The following TRPM3 variants were observed in gnomAD, a reference collection of about 807,000 sequenced individuals.
The protein encoded by TRPM3 is long transient receptor potential channel 3.
In TRPM3, 77 loss-of-function variants were observed where a neutral mutation model predicts 181.2. The ratio of observed to expected loss-of-function variants is 0.42; its 90% CI spans 0.35 to 0.51. The LOEUF (loss-of-function observed/expected upper bound fraction) is 0.51. TRPM3 is among the 20% of genes least tolerant of loss of function. The pLI, the probability that TRPM3 is intolerant of heterozygous loss-of-function variation, is 0.01. For missense variants in TRPM3, 1,759 were observed against 2,196.7 expected (o/e 0.80, Z 3.98); for synonymous variants, 745 against 796.4 (o/e 0.94, Z 1.09).
intron 1 of TRPM3, among the ~76,000 whole-genome samples, chr9:71,169,634 G>A (rs1297971100): frequency 6.6e-6 from 1 of 151,748 alleles, no homozygotes; most frequent in Non-Finnish European, 1.5e-5. Flanking sequence ...AGAGAGGCAC[G>A]GAGGAAAAAT....
At chr9:70,646,937 C>T (rs890630501) in intron 9 of TRPM3, among the ~76,000 whole-genome samples, 3 of 147,600 alleles carry the variant, frequency 2.0e-5, no homozygotes, top group African/African-American at 7.4e-5. Context: ...GAACTAGAAA[C>T]CTAGAAGAAA....
At chr9:71,443,909 G>A (rs1424293352) in intron 1 of TRPM3, among the ~76,000 whole-genome samples, 3 of 152,052 alleles carry the variant, frequency 2.0e-5, no homozygotes, top group African/African-American at 4.8e-5. Flanking sequence ...GGTCAGGCAC[G>A]GTGGCTCATA....
intron 1 of TRPM3, among the ~76,000 whole-genome samples, chr9:71,191,388 C>G (rs2078010305): frequency 6.6e-6 from 1 of 151,754 alleles, no homozygotes; most frequent in Non-Finnish European, 1.5e-5. Flanking sequence ...CACTTTCTTC[C>G]ACAATGCTTT....
At chr9:70,993,448 T>C (rs775119776) in intron 1 of TRPM3, among the ~76,000 whole-genome samples, 1 of 152,124 alleles carries the variant, frequency 6.6e-6, no homozygotes, top group African/African-American at 2.4e-5. Flanking sequence ...GAACAACTCA[T>C]AGAATGGGCG....
rs951865704 is a variant in TRPM3 at position 70,543,933 on chromosome 9, G to T, written c.3707+5609C>A. ...GCAGGCAGGATGTCAGACGATTGAC[G>T]CAGGGACTCACTCTGTGGCAGTGGA... On this transcript the variant is annotated intron_variant, in intron 25 of 25. Transcript: ENST00000677713. Among the ~76,000 whole-genome samples, 4 of 152,170 alleles carry T rather than the reference G, an allele frequency of 2.6e-5. No individual in the cohort carries two copies. In the South Asian group the frequency reaches 8.3e-4, roughly 32 times the overall value.
At chr9:71,310,951 A>C (rs2087871294) in intron 1 of TRPM3, among the ~76,000 whole-genome samples, 1 of 152,112 alleles carries the variant, frequency 6.6e-6, no homozygotes, top group African/African-American at 2.4e-5. Flanking sequence ...CCTGATACTG[A>C]GTTGTAAATT....
rs373537552 is a variant in TRPM3, at chr9:71,279,216, C to T, written c.183+167437G>A. Among the ~76,000 whole-genome samples the T allele has an allele frequency of 1.1e-3, 172 of 152,126 alleles. 1 individual carries two copies. Among genetic ancestry groups the T allele is most frequent in the African/African-American group, 3.5e-3 (147 of 41,500 alleles). ...TGGCCCAGCTACTGAGCCCAAAATG[C>T]GTACACAGACAGAGGAGGGCAACCC... On this transcript the variant is annotated intron_variant, in intron 1 of 24. Coordinates refer to the TRPM3 transcript ENST00000357533.
At chr9:70,973,639 A>G (rs2097268080) in intron 1 of TRPM3, among the ~76,000 whole-genome samples, 2 of 152,214 alleles carry the variant, frequency 1.3e-5, no homozygotes, top group African/African-American at 2.4e-5. Flanking sequence ...CAGTAGTATC[A>G]AATCAGCTAT....
At chr9:71,245,698 T>A (rs745645919) in intron 1 of TRPM3, among the ~76,000 whole-genome samples, 1 of 152,172 alleles carries the variant, frequency 6.6e-6, no homozygotes, top group African/African-American at 2.4e-5. Flanking sequence ...TGAACAGGAA[T>A]GGCTTGATAC....
At chr9:70,609,626 A>G (rs1348248865) in intron 19 of TRPM3, among the ~76,000 whole-genome samples, 8 of 152,232 alleles carry the variant, frequency 5.3e-5, no homozygotes, top group Admixed American at 3.9e-4. Flanking sequence ...GCCCCCCACA[A>G]TGAAGAATTA....
chr9:70,963,824 A>G (rs1248213166), intron 1 of TRPM3, among the ~76,000 whole-genome samples: 2 of 152,136 alleles, frequency 1.3e-5, no homozygotes, highest in Non-Finnish European at 2.9e-5. Flanking sequence ...CAGTAGCCTA[A>G]GCTTTGGTCT....
Position 71,430,972 on chromosome 9 carries a change from C to A in TRPM3, c.183+15681G>T, listed in dbSNP as rs115470779. On this transcript the variant is annotated intron_variant, in intron 1 of 24. Transcript: ENST00000357533. ...GAAGCATAAAACATAAATCCATCCT[C>A]TTATGACTGAGTACAGTGTCTTGAT... 7.8e-3 allele frequency among the ~76,000 whole-genome samples: 1,185 copies of A among 152,266 alleles called. 19 individuals carry two copies. Among genetic ancestry groups the A allele is most frequent in the African/African-American group, 0.027 (1,124 of 41,554 alleles).
intron 1 of TRPM3, among the ~76,000 whole-genome samples, chr9:71,366,065 T>C (rs1471668437): frequency 6.6e-6 from 1 of 152,136 alleles, no homozygotes; most frequent in Non-Finnish European, 1.5e-5. Context: ...AAAAGAGCTT[T>C]TCAGAGATTG....
chr9:71,387,246 T>C (rs1326796659), intron 1 of TRPM3, among the ~76,000 whole-genome samples: 7 of 152,290 alleles, frequency 4.6e-5, no homozygotes, highest in Middle Eastern at 3.4e-3. Flanking sequence ...AACCACTGCA[T>C]TGAAGACCAA....
At chr9:70,622,370 A>G (rs1341353023) in intron 14 of TRPM3, among the ~76,000 whole-genome samples, 1 of 152,224 alleles carries the variant, frequency 6.6e-6, no homozygotes, top group African/African-American at 2.4e-5. Flanking sequence ...TGAATCATGT[A>G]TTTCTCAAAC....
At chr9:71,007,898 A>G (rs1043838114) in intron 1 of TRPM3, among the ~76,000 whole-genome samples, 9 of 152,094 alleles carry the variant, frequency 5.9e-5, no homozygotes, top group Non-Finnish European at 1.2e-4. Context: ...TAAACCCAAA[A>G]TTAGTAGAAG....
rs143957983 is a variant in TRPM3, at chr9:71,229,117, G to A, written c.183+217536C>T. On this transcript the variant is annotated intron_variant, in intron 1 of 24. Transcript: ENST00000357533. ...ACAGCATGGTACTGGCATAAAAACA[G>A]ATGCACAGACCAATGGAACAGATTA... 3.3e-5 allele frequency among the ~76,000 whole-genome samples: 5 copies of A among 152,242 alleles called. No homozygotes were observed. The East Asian group carries it at 9.6e-4, about 29-fold the overall frequency.
Position 70,639,063 on chromosome 9 carries a change from A to G in TRPM3, c.1578T>C (p.Asn526=), listed in dbSNP as rs1480704237. 1 of 1,613,624 alleles carries G rather than the reference A, an allele frequency of 6.2e-7. No homozygotes were observed. Among genetic ancestry groups the G allele is most frequent in the East Asian group, 2.2e-5 (1 of 44,882 alleles). ...LTISRLEELY[N]TRHGPSNTLY... is the part of the protein sequence containing the mutation. The stretch of plus-strand genomic sequence containing the variant: ...AAGTGCCTTAGTTTGGCCCTACCGT[A>G]TTGTACAATTCCTCTAGTCTGGAGA... The change falls in exon 11 of 26, where the codon AAT becomes AAC. Residue 526 remains asparagine (N), a synonymous_variant. Coordinates refer to ENST00000677713, the MANE Select transcript of TRPM3 (RefSeq NM_001366145.2).
rs959522735 is a variant in TRPM3 at position 71,067,281 on chromosome 9, G to C, written c.177+53897C>G. On this transcript the variant is annotated intron_variant, in intron 1 of 25. Coordinates refer to ENST00000677713, the MANE Select transcript of TRPM3 (RefSeq NM_001366145.2). ...TACTTTGTAGAAAATTTGGAAAGTG[G>C]AAAGTACCAAGCAAAAATTAAATTC... 2.0e-5 allele frequency among the ~76,000 whole-genome samples: 3 copies of C among 152,248 alleles called. No individual in the cohort carries two copies. In the South Asian group the frequency reaches 6.2e-4, roughly 32 times the overall value.
Sources: gnomAD v4.1 joint callset for allele counts (sites outside exome capture counted in the v4.1 genomes callset) on GRCh38, gnomAD v4.1.1 for gene constraint, MANE v1.5 for transcripts, NCBI Gene and HGNC (gene_info 2026-07-23, HGNC 2026-07-21) for gene names.